Variants in ANKRD34C observed in about 807,000 individuals in gnomAD.
The protein encoded by ANKRD34C is ankyrin repeat domain 34C.
For missense variants in ANKRD34C, 563 were observed against 653.0 expected (o/e 0.86, Z 1.50); for synonymous variants, 260 against 253.6 (o/e 1.03, Z -0.24).
chr15:79,293,404 C>T lies in ANKRD34C; in HGVS notation c.120C>T (p.Ser40=). 2.6e-6 allele frequency: 4 copies of T among 1,551,690 alleles called. No individual in the cohort carries two copies. The highest frequency in any genetic ancestry group is 3.5e-6 in the Non-Finnish European group (4 of 1,146,994). ...AAGGGGGAGCTTATATCAATGAAAG[C>T]AATGACAAAGGCGAAACAGCTCTCA... ...LLEGGAYINE[S]NDKGETALMV... is the part of the protein sequence containing the mutation. The change falls in exon 2 of 2, where the codon AGC becomes AGT. Residue 40 remains serine, a synonymous_variant. Coordinates refer to ENST00000421388, the MANE Select transcript of ANKRD34C (RefSeq NM_001146341.2).
Position 79,294,942 on chromosome 15 carries a change from T to C in ANKRD34C, c.*50T>C. Reference sequence around the variant, plus strand: ...TCAATATAGTTTATGGAAGGGACTATGGATGAGACTGCTTCCTGATCATTC... The same window carrying C: ...TCAATATAGTTTATGGAAGGGACTACGGATGAGACTGCTTCCTGATCATTC... On this transcript the variant is annotated 3_prime_UTR_variant, in exon 2 of 2. Transcript: ENST00000421388. 6.9e-7 allele frequency: 1 copy of C among 1,454,112 alleles called. No individual in the cohort carries two copies. Among genetic ancestry groups the C allele is most frequent in the Non-Finnish European group, 9.1e-7 (1 of 1,099,574 alleles). The allele number at this position is 1,454,112 out of a possible 1,614,324, so 90.1% of individuals were successfully genotyped here.
intron 1 of ANKRD34C, among the ~76,000 whole-genome samples, chr15:79,284,735 A>G (rs1337018913): frequency 1.3e-5 from 2 of 152,140 alleles, no homozygotes; most frequent in Non-Finnish European, 2.9e-5. Context: ...CCTTATAACA[A>G]TGTTGTTAAG....
intron 1 of ANKRD34C, among the ~76,000 whole-genome samples, chr15:79,291,789 T>C (rs1247848033): frequency 6.6e-6 from 1 of 152,146 alleles, no homozygotes. Flanking sequence ...CAGACTCATG[T>C]AGTTATCAGA....
At chr15:79,293,159 T>G in intron 1 of ANKRD34C, 82 bp from the exon 2 acceptor site, 2 of 1,074,674 alleles carry the variant, frequency 1.9e-6, no homozygotes, top group Non-Finnish European at 2.6e-6. Context: ...GGGATATGAC[T>G]GTACCCAGAC....
chr15:79,285,688 C>T (rs532130092), intron 1 of ANKRD34C, among the ~76,000 whole-genome samples: 4 of 152,266 alleles, frequency 2.6e-5, no homozygotes, highest in East Asian at 1.9e-4. Flanking sequence ...TGTAAGACTA[C>T]GGAGAATGAC....
chr15:79,289,242 A>G (rs1171266364), intron 1 of ANKRD34C, among the ~76,000 whole-genome samples: 1 of 152,250 alleles, frequency 6.6e-6, no homozygotes, highest in Non-Finnish European at 1.5e-5. Context: ...GTCCTCAGAC[A>G]AAACTGTTGC....
rs1391386568 is a variant in ANKRD34C at position 79,297,528 on chromosome 15, T to C, written c.*2636T>C. 2.4e-5 allele frequency: 4 copies of C among 167,060 alleles called. No individual in the cohort carries two copies. Among genetic ancestry groups the C allele is most frequent in the Non-Finnish European group, 4.4e-5 (3 of 68,122 alleles). The allele number at this position is 167,060 out of a possible 1,614,324, so 10.3% of individuals were successfully genotyped here. On this transcript the variant is annotated 3_prime_UTR_variant, in exon 2 of 2. Transcript: ENST00000421388. ...GGATAGCCGGTCCATTGCACAAATG[T>C]GTAATATCAGGTACTCTCATGCCAC...
At position 79,283,041 on chromosome 15, in the gene ANKRD34C, A is replaced by T. The variant is rs1054020905; in HGVS notation, c.-232A>T. ...TGAAGAAGTTCTGGGCAAGTGACTCAACAGGACCCGCGGGGCCCGGGGTAG... is the reference window on the plus strand; with the variant it reads ...TGAAGAAGTTCTGGGCAAGTGACTCTACAGGACCCGCGGGGCCCGGGGTAG... On this transcript the variant is annotated 5_prime_UTR_variant, in exon 1 of 2. Transcript: ENST00000421388. 2.6e-5 allele frequency among the ~76,000 whole-genome samples: 4 copies of T among 152,220 alleles called. No homozygotes were observed. The highest frequency in any genetic ancestry group is 9.6e-5 in the African/African-American group (4 of 41,458).
chr15:79,294,558 C>G lies in ANKRD34C; in HGVS notation c.1274C>G (p.Thr425Ser). ...CATGGCTCTCGGGAGTCCCTGGACA[C>G]TGTACCTAGCACATCCCCCAGCTCA... ...LFHGSRESLD[T>S]VPSTSPSSAR... is the part of the protein sequence containing the mutation. Residue 425 changes from threonine to serine, a missense_variant, in exon 2 of 2, where the codon ACT becomes AGT. Coordinates refer to ENST00000421388, the MANE Select transcript of ANKRD34C (RefSeq NM_001146341.2). 6.4e-7 allele frequency: 1 copy of G among 1,551,732 alleles called. No homozygotes were observed.
At chr15:79,289,114 C>T (rs945436658) in intron 1 of ANKRD34C, among the ~76,000 whole-genome samples, 5 of 152,180 alleles carry the variant, frequency 3.3e-5, no homozygotes, top group African/African-American at 1.2e-4. Flanking sequence ...GCCACCGTGC[C>T]TGGACAAGCC....
intron 1 of ANKRD34C, among the ~76,000 whole-genome samples, chr15:79,291,195 G>T (rs973059624): frequency 2.4e-4 from 36 of 152,170 alleles, no homozygotes; most frequent in African/African-American, 8.7e-4. Context: ...TTAAAGAAGA[G>T]CAAGGACGCC....
In ANKRD34C at chr15:79,295,498, T is replaced by C. The variant is rs1470574543; in HGVS notation, c.*606T>C. 6.0e-6 allele frequency: 1 copy of C among 167,232 alleles called. No homozygotes were observed. Among genetic ancestry groups the C allele is most frequent in the Non-Finnish European group, 1.5e-5 (1 of 68,248 alleles). 10.4% of individuals were successfully genotyped at this position (167,232 alleles called of 1,614,324 possible). ...GTAATATATTTTGTTCACATACTAA[T>C]TTGTATGTGCTCTGAGTACCCAAAT... On this transcript the variant is annotated 3_prime_UTR_variant, in exon 2 of 2. Coordinates refer to ENST00000421388, the MANE Select transcript of ANKRD34C (RefSeq NM_001146341.2).
chr15:79,284,419 T>C (rs2058637787), intron 1 of ANKRD34C, among the ~76,000 whole-genome samples: 1 of 152,230 alleles, frequency 6.6e-6, no homozygotes, highest in African/African-American at 2.4e-5. Context: ...TAACTATCTG[T>C]AAATACTTGA....
Position 79,296,918 on chromosome 15 carries a change from C to T in ANKRD34C, c.*2026C>T, listed in dbSNP as rs974869407. On this transcript the variant is annotated 3_prime_UTR_variant, in exon 2 of 2. Coordinates refer to ENST00000421388, the MANE Select transcript of ANKRD34C (RefSeq NM_001146341.2). ...TGAGTGCTGACTGGACAGCTATGCC[C>T]TCCTGTTAACTTAAGACAATTCAAA... 2.4e-5 allele frequency: 4 copies of T among 167,014 alleles called. No individual in the cohort carries two copies. Among genetic ancestry groups the T allele is most frequent in the Non-Finnish European group, 5.9e-5 (4 of 68,130 alleles). The allele number at this position is 167,014 out of a possible 1,614,324, so 10.3% of individuals were successfully genotyped here.
chr15:79,294,365 T>A lies in ANKRD34C; in HGVS notation c.1081T>A (p.Ser361Thr). The A allele has an allele frequency of 6.4e-7, 1 of 1,551,576 alleles. No individual in the cohort carries two copies. The highest frequency in any genetic ancestry group is 2.0e-5 in the Admixed American group (1 of 51,000). Residue 361 changes from serine (S) to threonine (T), a missense_variant, in exon 2 of 2, where the codon TCA (serine) becomes ACA (threonine). Coordinates refer to ENST00000421388, the MANE Select transcript of ANKRD34C (RefSeq NM_001146341.2). ...CCAAGAGAAATGTGGTATGGGTCCATCAGGACCCTCTGCTCTCAAAGAGCC... is the reference window on the plus strand; with the variant it reads ...CCAAGAGAAATGTGGTATGGGTCCAACAGGACCCTCTGCTCTCAAAGAGCC... ...VDQEKCGMGP[S>T]GPSALKEPAS...
chr15:79,288,499 T>A (rs2058651414), intron 1 of ANKRD34C, among the ~76,000 whole-genome samples: 1 of 152,216 alleles, frequency 6.6e-6, no homozygotes, highest in Admixed American at 6.5e-5. Context: ...TCCCTCATAC[T>A]TCTTGGTTGA....
chr15:79,292,649 A>C (rs993743851), intron 1 of ANKRD34C, among the ~76,000 whole-genome samples: 1 of 152,192 alleles, frequency 6.6e-6, no homozygotes, highest in African/African-American at 2.4e-5. Flanking sequence ...ATAATCATAC[A>C]TATTTATTTT....
In ANKRD34C at chr15:79,293,574, C is replaced by A; in HGVS notation, c.290C>A (p.Ala97Asp). The change falls in exon 2 of 2, where the codon GCT becomes GAT. Residue 97 changes from alanine (A) to aspartate (D), a missense_variant. Ala to Asp is a moderately radical substitution (Grantham distance 126, BLOSUM62 -2). Transcript: ENST00000421388. ...CTCATCCATGCCTGTATCAGAAGAG[C>A]TGGGGGAGAAGTGGTCTCCTTATTA... ...TALIHACIRR[A>D]GGEVVSLLLE... is the part of the protein sequence containing the mutation. 1 of 1,551,680 alleles carries A rather than the reference C, an allele frequency of 6.4e-7. No homozygotes were observed. Among genetic ancestry groups the A allele is most frequent in the Non-Finnish European group, 8.7e-7 (1 of 1,146,986 alleles).
In ANKRD34C at chr15:79,294,459, A is replaced by G. The variant is rs1285444209; in HGVS notation, c.1175A>G (p.Asn392Ser). ...LDIQPGPDPP[N>S]SISLESGKGP... ...ATACAGCCAGGGCCTGACCCTCCCAACTCCATTTCCCTTGAATCCGGCAAA... is the reference window on the plus strand; with the variant it reads ...ATACAGCCAGGGCCTGACCCTCCCAGCTCCATTTCCCTTGAATCCGGCAAA... The change falls in exon 2 of 2, where the codon AAC (asparagine) becomes AGC (serine). Residue 392 changes from asparagine (N) to serine (S), a missense_variant. Physicochemically the swap from Asn to Ser is conservative, Grantham distance 46 (BLOSUM62 1). Transcript: ENST00000421388. 8 of 1,551,532 alleles carry G rather than the reference A, an allele frequency of 5.2e-6. No individual in the cohort carries two copies. Among genetic ancestry groups the G allele is most frequent in the Non-Finnish European group, 4.4e-6 (5 of 1,146,954 alleles).
Sources: gnomAD v4.1 joint callset for allele counts (sites outside exome capture counted in the v4.1 genomes callset) on GRCh38, gnomAD v4.1.1 for gene constraint, MANE v1.5 for transcripts, NCBI Gene and HGNC (gene_info 2026-07-23, HGNC 2026-07-21) for gene names.